The following SDCCAG8 variants were observed in gnomAD, a reference collection of about 807,000 sequenced individuals.
SDCCAG8 encodes serologically defined colon cancer antigen 8.
Under a neutral mutation model 101.8 loss-of-function variants are expected in SDCCAG8, and 74 were observed. The ratio of observed to expected loss-of-function variants is 0.73; its 90% CI spans 0.60 to 0.88. The LOEUF (loss-of-function observed/expected upper bound fraction) is 0.88. Among genes scored for constraint, SDCCAG8 ranks in the 40% least tolerant of loss-of-function variants. The pLI is 0.00. For synonymous variants in SDCCAG8, 281 were observed against 292.9 expected, an observed-to-expected ratio of 0.96 and a Z score of 0.41; for missense variants, 787 against 822.6, an observed-to-expected ratio of 0.96 and a Z score of 0.53.
chr1:243,322,041 C>T (rs1238098155), intron 9 of SDCCAG8, among the ~76,000 whole-genome samples: 1 of 152,172 alleles, frequency 6.6e-6, no homozygotes, highest in Non-Finnish European at 1.5e-5. Flanking sequence ...GGGGTATATA[C>T]CCAGGAATGG....
intron 16 of SDCCAG8, among the ~76,000 whole-genome samples, chr1:243,439,622 T>TCACACACACACACACA (rs60044857): frequency 0.035 from 4,207 of 120,072 alleles, 154 homozygotes; most frequent in African/African-American, 0.045. Context: ...TGAGACTCCA[T>TCACACACACACACACA]CACACACACA....
chr1:243,401,232 CT>C (rs2079378312), intron 13 of SDCCAG8, among the ~76,000 whole-genome samples: 1 of 152,194 alleles, frequency 6.6e-6, no homozygotes, highest in Admixed American at 6.5e-5. Flanking sequence ...AATAAATCAA[CT>C]CCAGCAATTT....
chr1:243,407,329 C>T (rs1035753249), intron 13 of SDCCAG8, among the ~76,000 whole-genome samples: 2 of 152,150 alleles, frequency 1.3e-5, no homozygotes, highest in Non-Finnish European at 2.9e-5. Context: ...TCTTAATTCC[C>T]GAGTTTGAGA....
At chr1:243,364,816 A>AT (rs796208583) in intron 12 of SDCCAG8, among the ~76,000 whole-genome samples, 82 of 152,058 alleles carry the variant, frequency 5.4e-4, no homozygotes, top group Admixed American at 2.2e-3. Context: ...AAGAAAATGC[A>AT]TTTTTTTTCC....
At chr1:243,267,902 G>A in intron 1 of SDCCAG8, 1 of 1,067,902 alleles carries the variant, frequency 9.4e-7, no homozygotes, top group Non-Finnish European at 1.5e-6. Flanking sequence ...GATAAAGTTG[G>A]TATCAACGAG....
At chr1:243,483,223 G>T (rs1025946321) in intron 16 of SDCCAG8, among the ~76,000 whole-genome samples, 1 of 152,038 alleles carries the variant, frequency 6.6e-6, no homozygotes, top group East Asian at 1.9e-4. Flanking sequence ...CGGGCGCCCG[G>T]GTCTTCCTCG....
intron 12 of SDCCAG8, among the ~76,000 whole-genome samples, chr1:243,352,829 G>T (rs1248164265): frequency 4.0e-5 from 6 of 151,886 alleles, no homozygotes; most frequent in Admixed American, 3.9e-4. Context: ...TCTAGTTTTG[G>T]TTTTTGCTTT....
intron 10 of SDCCAG8, among the ~76,000 whole-genome samples, chr1:243,334,691 G>A (rs551001512): frequency 3.9e-4 from 59 of 152,226 alleles, no homozygotes; most frequent in South Asian, 1.0e-3. Context: ...CTTGAGCTCA[G>A]GTAATCCTCC....
At chr1:243,307,740 TA>T (rs1036799809) in intron 7 of SDCCAG8, 1 of 1,400,964 alleles carries the variant, frequency 7.1e-7, no homozygotes, top group African/African-American at 1.4e-5. Context: ...TTCTAATCTA[TA>T]TTAAAATCTT....
chr1:243,486,419 C>A (rs1664847535), intron 16 of SDCCAG8, among the ~76,000 whole-genome samples: 1 of 152,116 alleles, frequency 6.6e-6, no homozygotes, highest in Non-Finnish European at 1.5e-5. Context: ...TCTTGTGGGG[C>A]TCACACCCAG....
chr1:243,372,656 T>G (rs1486727932), intron 12 of SDCCAG8, among the ~76,000 whole-genome samples: 1 of 151,856 alleles, frequency 6.6e-6, no homozygotes, highest in Non-Finnish European at 1.5e-5. Flanking sequence ...ATTGTAGGAT[T>G]GTGAAATCAA....
chr1:243,350,514 G>A (rs1006203097), intron 12 of SDCCAG8, among the ~76,000 whole-genome samples: 2 of 152,004 alleles, frequency 1.3e-5, no homozygotes, highest in African/African-American at 2.4e-5. Flanking sequence ...CACTGCGCCC[G>A]GCCTATGTCA....
intron 16 of SDCCAG8, among the ~76,000 whole-genome samples, chr1:243,482,165 T>C (rs1024335349): frequency 6.6e-6 from 1 of 152,246 alleles, no homozygotes; most frequent in Non-Finnish European, 1.5e-5. Context: ...CTTGCACCGC[T>C]TCTGTTTTGC....
intron 6 of SDCCAG8, among the ~76,000 whole-genome samples, chr1:243,294,695 T>TCC (rs2070666819): frequency 5.1e-5 from 1 of 19,480 alleles, no homozygotes; most frequent in Non-Finnish European, 1.8e-4. Flanking sequence ...ACTTTCTAAA[T>TCC]TCCCCCCCCC....
intron 13 of SDCCAG8, among the ~76,000 whole-genome samples, chr1:243,408,779 ACTAAGAG>A (rs1349395745): frequency 2.0e-5 from 3 of 152,348 alleles, no homozygotes; most frequent in South Asian, 2.1e-4. Context: ...AAGTGAAGAT[ACTAAGAG>A]AACCTACTTT....
intron 16 of SDCCAG8, among the ~76,000 whole-genome samples, chr1:243,440,438 G>T (rs879421615): frequency 7.9e-5 from 12 of 152,164 alleles, no homozygotes; most frequent in Non-Finnish European, 1.5e-4. Flanking sequence ...CCTTTGAGAG[G>T]TTTTGTTCCA....
At chr1:243,273,945 A>G (rs1192133014) in intron 3 of SDCCAG8, among the ~76,000 whole-genome samples, 3 of 152,186 alleles carry the variant, frequency 2.0e-5, no homozygotes, top group Non-Finnish European at 2.9e-5. Context: ...AATCTTGTGT[A>G]TTTGTGGAAT....
Position 243,431,122 on chromosome 1 carries a change from G to A in SDCCAG8, c.1985+4564G>A, listed in dbSNP as rs564135157. Among the ~76,000 whole-genome samples, 22 of 152,244 alleles carry A rather than the reference G, an allele frequency of 1.4e-4. No homozygotes were observed. In the South Asian group the frequency reaches 3.9e-3, roughly 27 times the overall value. On this transcript the variant is annotated intron_variant, in intron 16 of 17. Transcript: ENST00000366541. ...TGAGGCAGGAGAATCACTTGAACCC[G>A]GGAGGCGGAGGTTGCAGTGAGCCAA...
intron 8 of SDCCAG8, 39 bp from the exon 9 acceptor site, chr1:243,316,716 G>A: frequency 6.2e-7 from 1 of 1,613,344 alleles, no homozygotes; most frequent in Non-Finnish European, 8.5e-7. Flanking sequence ...AGGATCGTTT[G>A]ATCATTTCTT....
Sources: gnomAD v4.1 joint callset for allele counts (sites outside exome capture counted in the v4.1 genomes callset) on GRCh38, gnomAD v4.1.1 for gene constraint, MANE v1.5 for transcripts, NCBI Gene and HGNC (gene_info 2026-07-23, HGNC 2026-07-21) for gene names.